The following PPP1R36 variants were observed in gnomAD, a reference collection of about 807,000 sequenced individuals.
The protein encoded by PPP1R36 is protein phosphatase 1 regulatory subunit 36, also known as chromosome 14 open reading frame 50.
In PPP1R36, 47 loss-of-function variants were observed where a neutral mutation model predicts 53.4. The observed-to-expected ratio is 0.88, with a 90% CI of 0.70 to 1.12. The LOEUF is 1.12. Among genes scored for constraint, PPP1R36 ranks in the 50% most tolerant of loss-of-function variants. The pLI is 0.00. For missense variants in PPP1R36, 456 were observed against 513.9 expected, an observed-to-expected ratio of 0.89 and a Z score of 1.09; for synonymous variants, 153 against 170.5, an observed-to-expected ratio of 0.90 and a Z score of 0.80.
chr14:64,587,292 T>C lies in PPP1R36; in HGVS notation c.810T>C (p.Asn270=). The change falls in exon 10 of 12, where the codon AAT becomes AAC. Residue 270 remains asparagine (N), a synonymous_variant. Transcript: ENST00000298705. The part of the protein sequence containing the change: ...EEEVGRLFRT[N]MFNIPRRRRE... ...AAGTAGGGAGACTCTTTCGTACCAATATGTTCAACATTCCTCGCAGGAGGC... is the reference window on the plus strand; with the variant it reads ...AAGTAGGGAGACTCTTTCGTACCAACATGTTCAACATTCCTCGCAGGAGGC... 1.2e-6 allele frequency: 2 copies of C among 1,613,782 alleles called. No homozygotes were observed. The highest frequency in any genetic ancestry group is 1.1e-5 in the South Asian group (1 of 91,048).
intron 3 of PPP1R36, among the ~76,000 whole-genome samples, chr14:64,554,888 G>A (rs1393868806): frequency 1.3e-5 from 2 of 151,952 alleles, no homozygotes; most frequent in East Asian, 1.9e-4. Flanking sequence ...CATACTATTC[G>A]AGGTGCCCTG....
intron 8 of PPP1R36, among the ~76,000 whole-genome samples, chr14:64,577,423 C>A (rs187075616): frequency 6.6e-6 from 1 of 152,166 alleles, no homozygotes; most frequent in Admixed American, 6.5e-5. Flanking sequence ...TGACTGACAG[C>A]GTCAGCTTGA....
At chr14:64,583,070 TATA>T (rs1566658631) in intron 8 of PPP1R36, among the ~76,000 whole-genome samples, 1 of 133,890 alleles carries the variant, frequency 7.5e-6, no homozygotes, top group Non-Finnish European at 1.7e-5. Flanking sequence ...TATATATATA[TATA>T]TATTTTTTTT....
chr14:64,580,806 G>A (rs895995512), intron 8 of PPP1R36, among the ~76,000 whole-genome samples: 2 of 152,106 alleles, frequency 1.3e-5, no homozygotes, highest in African/African-American at 2.4e-5. Context: ...TGTTTTTGCC[G>A]GTTATAAGTG....
At chr14:64,555,037 T>C (rs1411882128) in intron 3 of PPP1R36, among the ~76,000 whole-genome samples, 3 of 152,216 alleles carry the variant, frequency 2.0e-5, no homozygotes, top group African/African-American at 7.2e-5. Context: ...TGAAATATAT[T>C]ATTTAAAATC....
At chr14:64,579,609 A>T (rs2080370171) in intron 8 of PPP1R36, among the ~76,000 whole-genome samples, 1 of 152,218 alleles carries the variant, frequency 6.6e-6, no homozygotes, top group African/African-American at 2.4e-5. Flanking sequence ...CACTATTAAT[A>T]TTGACACTAA....
At chr14:64,583,888 A>G (rs1483350346) in intron 8 of PPP1R36, among the ~76,000 whole-genome samples, 1 of 145,402 alleles carries the variant, frequency 6.9e-6, no homozygotes, top group Admixed American at 6.9e-5. Flanking sequence ...AAAGAGGTTC[A>G]TGTTACCTCC....
intron 7 of PPP1R36, among the ~76,000 whole-genome samples, chr14:64,573,749 C>T (rs1483112405): frequency 6.6e-6 from 1 of 151,078 alleles, no homozygotes; most frequent in Non-Finnish European, 1.5e-5. Context: ...CCTGTCTCTA[C>T]TAAAAATACA....
At chr14:64,577,075 T>C (rs1300707862) in intron 8 of PPP1R36, among the ~76,000 whole-genome samples, 1 of 152,182 alleles carries the variant, frequency 6.6e-6, no homozygotes, top group African/African-American at 2.4e-5. Context: ...CTAAGATCAG[T>C]ATACCAGCAT....
intron 2 of PPP1R36, chr14:64,552,546 T>C: frequency 3.3e-6 from 1 of 301,874 alleles, no homozygotes; most frequent in Non-Finnish European, 6.2e-6. Flanking sequence ...TGCTATGACT[T>C]GTTCACATTA....
At chr14:64,550,284 C>G in intron 1 of PPP1R36, 1 of 1,363,494 alleles carries the variant, frequency 7.3e-7, no homozygotes, top group Non-Finnish European at 9.4e-7. Flanking sequence ...GCTCCCTGCG[C>G]AGGTAGTTAG....
At chr14:64,566,129 G>A (rs1454274669) in intron 6 of PPP1R36, among the ~76,000 whole-genome samples, 2 of 152,094 alleles carry the variant, frequency 1.3e-5, no homozygotes, top group Non-Finnish European at 1.5e-5. Context: ...TTAGCTGGGC[G>A]TGGTGGTGGG....
rs148124498 is a variant in PPP1R36, at chr14:64,552,821, G to C, written c.142G>C (p.Ala48Pro). The C allele has an allele frequency of 4.3e-5, 69 of 1,613,486 alleles. No homozygotes were observed. In the South Asian group the frequency reaches 7.4e-4, roughly 17 times the overall value. ...TTCAGTTTTCTTTCTCAGGTTTGCC[G>C]CAGAAGATTCTGTCCAGTGGCTCCT... is the stretch of plus-strand genomic sequence containing the variant. ...TRTLEFRRFA[A>P]EDSVQWLLKH... The change falls in exon 3 of 12, where the codon GCA becomes CCA. Residue 48 changes from alanine (A) to proline (P), a missense_variant. By Grantham distance (27) the Ala-to-Pro change is conservative (BLOSUM62 -1). Transcript: ENST00000298705.
rs766922970 is a variant in PPP1R36 at position 64,588,175 on chromosome 14, TGCCATCTCTCAGAGAAAAA to T, written c.965_983del (p.Pro322LeufsTer12). On this transcript the variant is annotated frameshift_variant, in exon 11 of 12. Coordinates refer to ENST00000298705, the MANE Select transcript of PPP1R36 (RefSeq NM_172365.3). LOFTEE classifies it high-confidence loss of function. The stretch of plus-strand genomic sequence containing the variant: ...CGTTCTCCAGTCATGTCTACTCTGC[TGCCATCTCTCAGAGAAAAA>T]GCTCAAAACGTCTTTGAGAAAAAGT... 54 of 1,614,008 alleles carry T rather than the reference TGCCATCTCTCAGAGAAAAA, an allele frequency of 3.3e-5. No individual in the cohort carries two copies. Among genetic ancestry groups the T allele is most frequent in the Middle Eastern group, 3.3e-4 (2 of 6,084 alleles).
At chr14:64,586,777 T>A in intron 8 of PPP1R36, 60 bp from the exon 9 acceptor site, 1 of 1,172,640 alleles carries the variant, frequency 8.5e-7, no homozygotes, top group East Asian at 2.3e-5. Context: ...AGATAAGGAC[T>A]AGTACCCTGA....
chr14:64,579,277 GA>G (rs200049261), intron 8 of PPP1R36, among the ~76,000 whole-genome samples: 4,926 of 151,934 alleles, frequency 0.032, 96 homozygotes, highest in Middle Eastern at 0.058. Context: ...AAAATTAAAA[GA>G]AAAAAGAAAC....
At position 64,583,075 on chromosome 14, in the gene PPP1R36, A is replaced by ATTTTT. The variant is rs34144614; in HGVS notation, c.669-3756_669-3752dup. On this transcript the variant is annotated intron_variant, in intron 8 of 11. Transcript: ENST00000298705. ...CCCAGCTATATATATATATATATAT[A>ATTTTT]TTTTTTTTTTGTATTTTTGTAGAGA... Among the ~76,000 whole-genome samples the ATTTTT allele has an allele frequency of 3.2e-4, 43 of 133,132 alleles. No homozygotes were observed. In the South Asian group the frequency reaches 3.5e-3, roughly 11 times the overall value. 87.3% of individuals were successfully genotyped at this position (133,132 alleles called of 152,430 possible).
In PPP1R36 at chr14:64,583,068, TA is replaced by T. The variant is rs1289002842; in HGVS notation, c.669-3768del. On this transcript the variant is annotated intron_variant, in intron 8 of 11. Coordinates refer to ENST00000298705, the MANE Select transcript of PPP1R36 (RefSeq NM_172365.3). ...CACCACTCCCAGCTATATATATATA[TA>T]TATATATTTTTTTTTTGTATTTTTG... 5.0e-3 allele frequency among the ~76,000 whole-genome samples: 682 copies of T among 135,404 alleles called. 6 individuals are homozygous for T. The highest frequency in any genetic ancestry group is 0.017 in the African/African-American group (654 of 39,006). The allele number at this position is 135,404 out of a possible 152,430, so 88.8% of individuals were successfully genotyped here.
intron 10 of PPP1R36, 26 bp from the exon 11 acceptor site, chr14:64,588,078 C>T: frequency 6.4e-7 from 1 of 1,573,654 alleles, no homozygotes; most frequent in African/African-American, 1.4e-5. Flanking sequence ...GTGATATGAC[C>T]TAAATGTCAC....
Sources: allele counts gnomAD v4.1 joint callset (sites outside exome capture counted in the v4.1 genomes callset), GRCh38; gene constraint gnomAD v4.1.1; transcripts MANE v1.5; gene names NCBI Gene and HGNC (gene_info 2026-07-23, HGNC 2026-07-21).